FAM184A: variants seen among roughly 807,000 people sequenced by gnomAD.
FAM184A encodes family with sequence similarity 184 member A, also known as protein FAM184A.
In FAM184A, 99 loss-of-function variants were observed where a neutral mutation model predicts 143.8. That is an observed-to-expected ratio of 0.69 (90% CI 0.58 to 0.81). FAM184A has a LOEUF of 0.81. FAM184A is among the 40% of genes least tolerant of loss of function. FAM184A has a pLI of 0.00. For missense variants in FAM184A, 1,217 were observed against 1,310.5 expected, an observed-to-expected ratio of 0.93 and a Z score of 1.10; for synonymous variants, 427 against 446.4, an observed-to-expected ratio of 0.96 and a Z score of 0.55.
At chr6:119,054,386 T>G (rs1404662070) in intron 1 of FAM184A, among the ~76,000 whole-genome samples, 2 of 152,226 alleles carry the variant, frequency 1.3e-5, no homozygotes, top group Middle Eastern at 3.2e-3. Flanking sequence ...TCCAAGATCA[T>G]CAGCAGACTG....
intron 15 of FAM184A, among the ~76,000 whole-genome samples, chr6:118,966,618 A>T (rs1052450804): frequency 2.0e-5 from 3 of 152,102 alleles, no homozygotes; most frequent in South Asian, 2.1e-4. Flanking sequence ...ACTTTCTTTT[A>T]AAAAAAATGA....
At chr6:119,035,554 TC>T (rs1313816515) in intron 1 of FAM184A, among the ~76,000 whole-genome samples, 2 of 152,168 alleles carry the variant, frequency 1.3e-5, no homozygotes, top group African/African-American at 4.8e-5. Context: ...GTGTGGAGAA[TC>T]CCCCTCCCTT....
At chr6:119,093,390 C>T (rs765677023) in intron 1 of FAM184A, among the ~76,000 whole-genome samples, 6 of 152,258 alleles carry the variant, frequency 3.9e-5, no homozygotes, top group African/African-American at 7.2e-5. Context: ...GGGATGTTAC[C>T]GTGAGTCACG....
chr6:118,979,085 C>A (rs1783939555), intron 11 of FAM184A, among the ~76,000 whole-genome samples: 1 of 152,168 alleles, frequency 6.6e-6, no homozygotes, highest in Admixed American at 6.5e-5. Flanking sequence ...ATTTCTGGGA[C>A]ACCTCAATGT....
chr6:118,982,396 C>T (rs1199539413), intron 9 of FAM184A, among the ~76,000 whole-genome samples: 1 of 152,158 alleles, frequency 6.6e-6, no homozygotes, highest in Non-Finnish European at 1.5e-5. Flanking sequence ...CTGAGGATAA[C>T]TTGTTGAAAT....
chr6:119,104,202 T>C (rs1202668444), intron 1 of FAM184A, among the ~76,000 whole-genome samples: 1 of 152,086 alleles, frequency 6.6e-6, no homozygotes, highest in African/African-American at 2.4e-5. Flanking sequence ...TTTTGTATTT[T>C]TGCCATGTTG....
intron 9 of FAM184A, among the ~76,000 whole-genome samples, chr6:118,999,146 G>A (rs189386514): frequency 8.1e-4 from 124 of 152,270 alleles, no homozygotes; most frequent in African/African-American, 2.7e-3. Flanking sequence ...TGGCTGAGCA[G>A]TAAACAGTGA....
At chr6:119,065,090 G>A (rs780925308) in intron 1 of FAM184A, among the ~76,000 whole-genome samples, 4 of 152,136 alleles carry the variant, frequency 2.6e-5, no homozygotes, top group Non-Finnish European at 4.4e-5. Flanking sequence ...CTATCTCCTA[G>A]TATCAGAATC....
At chr6:119,108,784 G>T (rs1788856569) in intron 1 of FAM184A, among the ~76,000 whole-genome samples, 1 of 152,136 alleles carries the variant, frequency 6.6e-6, no homozygotes, top group Non-Finnish European at 1.5e-5. Flanking sequence ...GGATGCTCCT[G>T]GGTTTCCCAA....
At chr6:119,086,703 G>T (rs1357405226) in intron 1 of FAM184A, among the ~76,000 whole-genome samples, 1 of 152,202 alleles carries the variant, frequency 6.6e-6, no homozygotes, top group Non-Finnish European at 1.5e-5. Context: ...TTGGGTCTCT[G>T]TCCCGAAGAC....
chr6:119,083,511 G>C (rs910389918), upstream of FAM184A, among the ~76,000 whole-genome samples: 10 of 152,128 alleles, frequency 6.6e-5, no homozygotes, highest in African/African-American at 2.4e-4. Context: ...TTCAGAAAAA[G>C]CCAGGTCACC....
At chr6:119,026,361 T>C (rs938205651) in intron 1 of FAM184A, among the ~76,000 whole-genome samples, 17 of 152,204 alleles carry the variant, frequency 1.1e-4, no homozygotes, top group African/African-American at 4.1e-4. Context: ...AGGTAGCTTA[T>C]AAGCCAAGAA....
chr6:119,089,206 A>ATTT (rs570021826), intron 1 of FAM184A, among the ~76,000 whole-genome samples: 1 of 135,690 alleles, frequency 7.4e-6, no homozygotes, highest in Non-Finnish European at 1.6e-5. Flanking sequence ...TTATTTATTT[A>ATTT]TTTTTTTATT....
intron 9 of FAM184A, among the ~76,000 whole-genome samples, chr6:118,994,541 C>T (rs1455520292): frequency 6.6e-6 from 1 of 151,800 alleles, no homozygotes; most frequent in South Asian, 2.1e-4. Flanking sequence ...AAAAAATCAG[C>T]TGGGCATGGT....
chr6:118,971,067 A>C (rs779633138), intron 14 of FAM184A, among the ~76,000 whole-genome samples: 21 of 152,156 alleles, frequency 1.4e-4, no homozygotes, highest in Non-Finnish European at 2.9e-4. Context: ...AAGATGAAAA[A>C]ACTCCTATAT....
chr6:119,133,007 G>T (rs550276056), intron 1 of FAM184A, among the ~76,000 whole-genome samples: 4 of 152,302 alleles, frequency 2.6e-5, no homozygotes, highest in African/African-American at 7.2e-5. Context: ...AAATACTACT[G>T]GTTTGAGGCT....
intron 1 of FAM184A, among the ~76,000 whole-genome samples, chr6:119,101,032 TC>T (rs1444086337): frequency 1.3e-5 from 2 of 150,666 alleles, no homozygotes. Context: ...AAAATAGTAA[TC>T]CCCCATAATG....
At chr6:119,019,930 G>C in intron 4 of FAM184A, 48 bp downstream of exon 4, 7 of 1,444,328 alleles carry the variant, frequency 4.8e-6, no homozygotes, top group Non-Finnish European at 6.5e-6. Context: ...GTGAAAAAGA[G>C]AAAAACGGAA....
chr6:119,071,836 CAGTCTAA>C lies in FAM184A; in HGVS notation c.159+6298_159+6304del, dbSNP rs1787694353. ...TAAAATGAGAGGGTCAGCCTGGTCA[CAGTCTAA>C]AGTCTAAACCTTTAATCTTTTTTTT... On this transcript the variant is annotated intron_variant, in intron 1 of 17. Transcript: ENST00000338891. Among the ~76,000 whole-genome samples the C allele has an allele frequency of 2.1e-5, 3 of 143,306 alleles. No homozygotes were observed. The South Asian group carries it at 7.1e-4, about 34-fold the overall frequency. The allele number at this position is 143,306 out of a possible 152,430, so 94.0% of individuals were successfully genotyped here. A position where few individuals can be genotyped will look rare whatever the true frequency, so the allele number is the denominator to read the frequency against.
Sources: allele counts gnomAD v4.1 joint callset (sites outside exome capture counted in the v4.1 genomes callset), GRCh38; gene constraint gnomAD v4.1.1; transcripts MANE v1.5; gene names NCBI Gene and HGNC (gene_info 2026-07-23, HGNC 2026-07-21).